Variants in LAMB4 observed in about 807,000 individuals in gnomAD.
LAMB4 encodes the protein laminin subunit beta 4, also known as laminin subunit beta-4.
In LAMB4, 196 loss-of-function variants were observed where a neutral mutation model predicts 199.2. That is an observed-to-expected ratio of 0.98 (90% CI 0.88 to 1.11). The LOEUF (loss-of-function observed/expected upper bound fraction) is 1.11, where lower values mean the gene tolerates loss of function less well. LAMB4 is among the 50% of genes least tolerant of loss of function. The pLI, the probability that LAMB4 is intolerant of heterozygous loss-of-function variation, is 0.00. For synonymous variants in LAMB4, 744 were observed against 770.6 expected (o/e 0.97, Z 0.57); for missense variants, 2,080 against 2,171.2 (o/e 0.96, Z 0.83).
chr7:108,032,219 G>A, intron 31 of LAMB4, among the ~76,000 whole-genome samples: 1 of 151,982 alleles, frequency 6.6e-6, no homozygotes, highest in East Asian at 1.9e-4. Context: ...GCGAAACCTC[G>A]TCTCTTCTAA....
Position 108,037,897 on chromosome 7 carries a change from T to G in LAMB4, c.4472-302A>C, listed in dbSNP as rs562445740. ...TACAAAATGTCCTGAGAATGATTTA[T>G]TATAAGTACATACTCAAAAGCAATT... On this transcript the variant is annotated intron_variant, in intron 29 of 33. Transcript: ENST00000388781. 8.3e-4 allele frequency among the ~76,000 whole-genome samples: 127 copies of G among 152,322 alleles called. 1 individual carries two copies. The highest frequency in any genetic ancestry group is 5.9e-5 in the Non-Finnish European group (4 of 68,032).
In LAMB4 at chr7:108,109,219, C is replaced by T; in HGVS notation, c.354G>A (p.Leu118=). The T allele has an allele frequency of 6.2e-7, 1 of 1,613,460 alleles. No individual in the cohort carries two copies. Among genetic ancestry groups the T allele is most frequent in the Non-Finnish European group, 8.5e-7 (1 of 1,179,654 alleles). ...ENGLDHVSIR[L]DLEALFRFSH... is the part of the protein sequence containing the mutation. ...TGAACCGAAATAATGCCTCTAAGTCCAGTCTGATGCTGACATGATCAAGAC... is the reference window on the plus strand; with the variant it reads ...TGAACCGAAATAATGCCTCTAAGTCTAGTCTGATGCTGACATGATCAAGAC... Residue 118 remains leucine (L), a synonymous_variant, in exon 5 of 34, where the codon CTG becomes CTA. Coordinates refer to ENST00000388781, the MANE Select transcript of LAMB4 (RefSeq NM_007356.3).
Position 108,048,115 on chromosome 7 carries a change from G to A in LAMB4, c.4123-4C>T, listed in dbSNP as rs368841672. ...CATTTCCTGGATCTCCGCACACCTT[G>A]CAAGAGAAATGATTTACGTTAAATA... On this transcript the variant is annotated splice_region_variant and splice_polypyrimidine_tract_variant and intron_variant, in intron 27 of 33. Coordinates refer to ENST00000388781, the MANE Select transcript of LAMB4 (RefSeq NM_007356.3). The A allele has an allele frequency of 1.0e-5, 16 of 1,528,076 alleles. No individual in the cohort carries two copies. The highest frequency in any genetic ancestry group is 1.4e-5 in the Non-Finnish European group (16 of 1,115,622). 94.7% of individuals were successfully genotyped at this position (1,528,076 alleles called of 1,614,324 possible).
At chr7:108,011,899 A>G in the LAMB4 span, among the ~76,000 whole-genome samples, 19 of 151,874 alleles carry the variant, frequency 1.3e-4, no homozygotes, top group African/African-American at 4.1e-4. Flanking sequence ...ATAAACACAT[A>G]TGAATAAAGT....
At chr7:108,106,636 C>CT (rs5886439) in intron 6 of LAMB4, 64 bp from the exon 7 acceptor site, 248,215 of 755,562 alleles carry the variant, frequency 0.33, 17,998 homozygotes, top group Non-Finnish European at 0.36. Context: ...CAAACACACT[C>CT]TTTTTTTTTT....
At chr7:108,059,198 C>T (rs927351458) in intron 23 of LAMB4, among the ~76,000 whole-genome samples, 1 of 149,768 alleles carries the variant, frequency 6.7e-6, no homozygotes, top group East Asian at 2.0e-4. Context: ...CTCCACCTCC[C>T]GGGTTCACAC....
At chr7:108,035,983 C>T (rs557246807) in intron 30 of LAMB4, among the ~76,000 whole-genome samples, 5 of 151,780 alleles carry the variant, frequency 3.3e-5, no homozygotes, top group South Asian at 2.1e-4. Flanking sequence ...CTCAGCCTCC[C>T]GAGTAGCTGG....
chr7:108,059,588 C>T (rs1050515665), intron 23 of LAMB4, among the ~76,000 whole-genome samples: 1 of 152,170 alleles, frequency 6.6e-6, no homozygotes, highest in Non-Finnish European at 1.5e-5. Flanking sequence ...AACAATGCTC[C>T]TGGCACCACC....
At chr7:108,078,390 T>C in intron 15 of LAMB4, 74 bp from the exon 16 acceptor site, 1 of 915,084 alleles carries the variant, frequency 1.1e-6, no homozygotes, top group Admixed American at 2.1e-5. Flanking sequence ...CACATATAGC[T>C]AATGGAAAGT....
At chr7:108,110,007 T>C (rs1475915051) in intron 4 of LAMB4, among the ~76,000 whole-genome samples, 2 of 152,216 alleles carry the variant, frequency 1.3e-5, no homozygotes, top group Non-Finnish European at 2.9e-5. Context: ...TAAATGTTAT[T>C]TTGACATATA....
chr7:108,048,125 T>C lies in LAMB4; in HGVS notation c.4123-14A>G. On this transcript the variant is annotated splice_polypyrimidine_tract_variant and intron_variant, in intron 27 of 33. Coordinates refer to ENST00000388781, the MANE Select transcript of LAMB4 (RefSeq NM_007356.3). The stretch of plus-strand genomic sequence containing the variant: ...ATCTCCGCACACCTTGCAAGAGAAA[T>C]GATTTACGTTAAATAGCAACTTGTT... The C allele has an allele frequency of 6.5e-7, 1 of 1,546,648 alleles. No individual in the cohort carries two copies. The highest frequency in any genetic ancestry group is 2.3e-5 in the East Asian group (1 of 44,330).
At chr7:108,114,518 C>T (rs1027692734) in intron 3 of LAMB4, among the ~76,000 whole-genome samples, 2 of 152,198 alleles carry the variant, frequency 1.3e-5, no homozygotes, top group African/African-American at 4.8e-5. Flanking sequence ...AGCAGAACTT[C>T]CACCATGTAA....
intron 29 of LAMB4, among the ~76,000 whole-genome samples, chr7:108,041,079 G>T (rs185640675): frequency 6.6e-6 from 1 of 152,158 alleles, no homozygotes; most frequent in East Asian, 1.9e-4. Context: ...TTAAAAAGTG[G>T]GCAAAGGACA....
In LAMB4 at chr7:108,078,335, A is replaced by G. The variant is rs572603060; in HGVS notation, c.1888-19T>C. The G allele has an allele frequency of 3.4e-5, 49 of 1,426,598 alleles. No individual in the cohort carries two copies. Among genetic ancestry groups the G allele is most frequent in the Non-Finnish European group, 4.8e-5 (49 of 1,017,242 alleles). 88.4% of individuals were successfully genotyped at this position (1,426,598 alleles called of 1,614,324 possible). ...CTGCAGACTAGACAGGCATGACATT[A>G]AGGCATGTCACTGCAAGGATGCAGG... On this transcript the variant is annotated intron_variant, in intron 15 of 33. Coordinates refer to ENST00000388781, the MANE Select transcript of LAMB4 (RefSeq NM_007356.3).
At position 108,069,898 on chromosome 7, in the gene LAMB4, T is replaced by C. The variant is rs774435916; in HGVS notation, c.2125-13A>G. ...GAATAAGGCCAAGCTTTTGAAAGAA[T>C]GCAAAAAGACTTAACATTCAAACTA... On this transcript the variant is annotated splice_polypyrimidine_tract_variant and intron_variant, in intron 17 of 33. Transcript: ENST00000388781. 9 of 1,599,322 alleles carry C rather than the reference T, an allele frequency of 5.6e-6. No homozygotes were observed. In the African/African-American group the frequency reaches 8.1e-5, roughly 14 times the overall value.
In LAMB4 at chr7:108,057,327, G is replaced by A. The variant is rs114063631; in HGVS notation, c.3379+505C>T. Among the ~76,000 whole-genome samples, 731 of 152,316 alleles carry A rather than the reference G, an allele frequency of 4.8e-3. 6 individuals carry two copies. Among genetic ancestry groups the A allele is most frequent in the African/African-American group, 0.016 (677 of 41,576 alleles). On this transcript the variant is annotated intron_variant, in intron 24 of 33. Coordinates refer to ENST00000388781, the MANE Select transcript of LAMB4 (RefSeq NM_007356.3). Reference sequence around the variant, plus strand: ...TTTCCAAGAGCCAAAGTTTCACCCTGGGTTTTAACCCAGCAATTCCACTTA... The same window carrying A: ...TTTCCAAGAGCCAAAGTTTCACCCTAGGTTTTAACCCAGCAATTCCACTTA...
intron 30 of LAMB4, among the ~76,000 whole-genome samples, chr7:108,036,077 C>CT (rs2035219340): frequency 2.0e-5 from 3 of 152,016 alleles, no homozygotes; most frequent in Admixed American, 6.6e-5. Context: ...AGGCTGGTCT[C>CT]TAACTCCTAG....
intron 25 of LAMB4, 72 bp from the exon 26 acceptor site, chr7:108,052,329 CA>C: frequency 8.4e-7 from 1 of 1,187,788 alleles, no homozygotes; most frequent in South Asian, 2.1e-5. Context: ...AAAATGCCAC[CA>C]AAATTGCCCT....
chr7:108,051,979 C>T (rs2035840535), intron 26 of LAMB4, 118 bp downstream of exon 26: 1 of 661,832 alleles, frequency 1.5e-6, no homozygotes, highest in Non-Finnish European at 2.4e-6. Flanking sequence ...GTTGTGTTTG[C>T]ATGTTCTAAA....
Sources: allele counts gnomAD v4.1 joint callset (sites outside exome capture counted in the v4.1 genomes callset), GRCh38; gene constraint gnomAD v4.1.1; transcripts MANE v1.5; gene names NCBI Gene and HGNC (gene_info 2026-07-23, HGNC 2026-07-21).